TBCD: variants seen among roughly 807,000 people sequenced by gnomAD.
TBCD encodes the protein tubulin-specific chaperone D.
A neutral mutation model predicts 169.3 loss-of-function variants in TBCD; 105 were observed. The ratio of observed to expected loss-of-function variants is 0.62; its 90% CI spans 0.53 to 0.73. TBCD has a LOEUF of 0.73. Ranked by LOEUF, TBCD falls within the 30% of genes least tolerant of loss-of-function variation. TBCD has a pLI of 0.00. For synonymous variants in TBCD, 700 were observed against 643.9 expected, an observed-to-expected ratio of 1.09 and a Z score of -1.32; for missense variants, 1,444 against 1,600.1, an observed-to-expected ratio of 0.90 and a Z score of 1.66.
chr17:82,838,839 A>G (rs1598837740), intron 13 of TBCD: 1 of 985,320 alleles, frequency 1.0e-6, no homozygotes, highest in Non-Finnish European at 1.2e-6. Flanking sequence ...CTGAGCTCGT[A>G]AACAAACGCT....
chr17:82,765,427 T>G (rs1411291073), intron 3 of TBCD, among the ~76,000 whole-genome samples: 3 of 152,024 alleles, frequency 2.0e-5, no homozygotes, highest in Non-Finnish European at 4.4e-5. Context: ...TCTGCTTTTC[T>G]TACAAGCTTG....
At chr17:82,758,377 C>T (rs2047522056) in intron 2 of TBCD, among the ~76,000 whole-genome samples, 1 of 16,104 alleles carries the variant, frequency 6.2e-5, no homozygotes, top group Non-Finnish European at 1.3e-4. Flanking sequence ...AGAACGAAAA[C>T]GTCTCGGAAA....
intron 13 of TBCD, among the ~76,000 whole-genome samples, chr17:82,854,429 C>T (rs993949420): frequency 1.1e-4 from 16 of 152,350 alleles, no homozygotes; most frequent in African/African-American, 3.6e-4. Context: ...GCGCTGCAGG[C>T]TCCTTATGAG....
Position 82,860,410 on chromosome 17 carries a change from C to T in TBCD, c.1319-9814C>T, listed in dbSNP as rs553777946. Reference sequence around the variant, plus strand: ...TGGTGGCTGCTCGGGTGGCAGTGAGCGGACAGCGAGGGGGACAGACACAGG... The same window carrying T: ...TGGTGGCTGCTCGGGTGGCAGTGAGTGGACAGCGAGGGGGACAGACACAGG... On this transcript the variant is annotated intron_variant, in intron 13 of 38. Coordinates refer to ENST00000355528, the MANE Select transcript of TBCD (RefSeq NM_005993.5). 287 of 985,456 alleles carry T rather than the reference C, an allele frequency of 2.9e-4. 1 individual carries two copies. Among genetic ancestry groups the T allele is most frequent in the Admixed American group, 1.7e-3 (27 of 16,286 alleles). The allele number at this position is 985,456 out of a possible 1,614,324, so 61.0% of individuals were successfully genotyped here.
intron 32 of TBCD, 96 bp downstream of exon 32, chr17:82,929,596 C>T (rs1392020331): frequency 1.3e-6 from 2 of 1,496,246 alleles, no homozygotes; most frequent in African/African-American, 1.4e-5. Context: ...TGGGCCTTTT[C>T]TTCCATTGCT....
chr17:82,944,297 G>C lies in TBCD; in HGVS notation c.*1834G>C, dbSNP rs935765907. 1.1e-4 allele frequency: 17 copies of C among 152,160 alleles called. No individual in the cohort carries two copies. Among genetic ancestry groups the C allele is most frequent in the African/African-American group, 3.9e-4 (16 of 41,498 alleles). 9.4% of individuals were successfully genotyped at this position (152,160 alleles called of 1,614,324 possible). A position where few individuals can be genotyped will look rare whatever the true frequency, so the allele number is the denominator to read the frequency against. On this transcript the variant is annotated 3_prime_UTR_variant, in exon 39 of 39. Transcript: ENST00000355528. ...TTCCCACTGGATCCCATCCATCACTGGGGCACTTGTGCTCACCAGACACCT... is the reference window on the plus strand; with the variant it reads ...TTCCCACTGGATCCCATCCATCACTCGGGCACTTGTGCTCACCAGACACCT...
intron 6 of TBCD, among the ~76,000 whole-genome samples, chr17:82,773,974 C>T (rs1476593915): frequency 6.6e-6 from 1 of 151,758 alleles, no homozygotes; most frequent in East Asian, 1.9e-4. Flanking sequence ...CATGATCCGC[C>T]CACCTCGGCC....
At chr17:82,919,479 A>G (rs557837916) in intron 23 of TBCD, among the ~76,000 whole-genome samples, 18 of 152,216 alleles carry the variant, frequency 1.2e-4, no homozygotes, top group African/African-American at 4.3e-4. Flanking sequence ...GTGTACAAAG[A>G]CTAAATTGTA....
Position 82,924,972 on chromosome 17 carries a change from G to A in TBCD, c.2294G>A (p.Arg765Gln), listed in dbSNP as rs748368158. The A allele has an allele frequency of 1.1e-5, 17 of 1,573,418 alleles. No homozygotes were observed. Among genetic ancestry groups the A allele is most frequent in the Middle Eastern group, 3.3e-4 (2 of 6,038 alleles). ...ATCACGCAGTACCTGGCTGAGCTTC[G>A]GAACCCCGAGGAGATGACTCGCTGT... ...ELITQYLAEL[R>Q]NPEEMTRCGF... The change falls in exon 27 of 39, where the codon CGG becomes CAG. Residue 765 changes from arginine (R) to glutamine (Q), a missense_variant. Transcript: ENST00000355528.
Position 82,929,412 on chromosome 17 carries a change from G to T in TBCD, c.2903G>T (p.Arg968Leu). 1.2e-6 allele frequency: 2 copies of T among 1,612,814 alleles called. No homozygotes were observed. Among genetic ancestry groups the T allele is most frequent in the Non-Finnish European group, 1.7e-6 (2 of 1,179,870 alleles). ...AGTGCACCTTCCCAGGCCTTCCCAC[G>T]CATCACCCAGCTCCTTGGGCTGCCC... ...NWSAPSQAFP[R>L]ITQLLGLPTY... Residue 968 changes from arginine to leucine, a missense_variant, in exon 32 of 39, where the codon CGC becomes CTC. Transcript: ENST00000355528.
intron 18 of TBCD, among the ~76,000 whole-genome samples, chr17:82,901,341 G>A (rs748417055): frequency 1.9e-4 from 29 of 152,218 alleles, no homozygotes; most frequent in Non-Finnish European, 3.2e-4. Flanking sequence ...CTCGAGGAGC[G>A]GTAGGTGCCT....
intron 13 of TBCD, among the ~76,000 whole-genome samples, chr17:82,853,005 G>C (rs946269882): frequency 2.0e-5 from 3 of 152,210 alleles, no homozygotes; most frequent in African/African-American, 7.2e-5. Context: ...CCGAGGACGA[G>C]AGCTCGTGAT....
chr17:82,920,402 C>G lies in TBCD; in HGVS notation c.2039-154C>G, dbSNP rs2061345709. Reference sequence around the variant, plus strand: ...TTCTCATGGTGGTTCTGAAATGGTTCTGGGATGTTTCCAGCCCTGGCAGCA... The same window carrying G: ...TTCTCATGGTGGTTCTGAAATGGTTGTGGGATGTTTCCAGCCCTGGCAGCA... On this transcript the variant is annotated intron_variant, in intron 23 of 38. Coordinates refer to ENST00000355528, the MANE Select transcript of TBCD (RefSeq NM_005993.5). This position sits in a 1 kb window ranked among gnomAD's most constrained non-coding sequence, Gnocchi z 4.1. 2 of 675,864 alleles carry G rather than the reference C, an allele frequency of 3.0e-6. No homozygotes were observed. Among genetic ancestry groups the G allele is most frequent in the African/African-American group, 1.8e-5 (1 of 54,744 alleles). 41.9% of individuals were successfully genotyped at this position (675,864 alleles called of 1,614,324 possible).
intron 13 of TBCD, among the ~76,000 whole-genome samples, chr17:82,820,810 A>G (rs1016292567): frequency 2.1e-5 from 3 of 145,942 alleles, no homozygotes; most frequent in Non-Finnish European, 4.6e-5. Flanking sequence ...TGAGTCTCTT[A>G]GGTTCTGTGC....
chr17:82,898,260 GGGAGCACACGGCACGGC>G (rs2059628888), intron 17 of TBCD, among the ~76,000 whole-genome samples: 2 of 12,684 alleles, frequency 1.6e-4, no homozygotes, highest in Non-Finnish European at 3.3e-4. Context: ...GGGTTTTGGT[GGGAGCACACGGCACGGC>G]TCTGGGTTTT....
intron 13 of TBCD, among the ~76,000 whole-genome samples, chr17:82,844,095 C>G (rs1015952116): frequency 1.3e-5 from 2 of 151,958 alleles, no homozygotes; most frequent in African/African-American, 4.8e-5. Flanking sequence ...CTGAGTGTTC[C>G]TTTTGTAGCA....
At chr17:82,830,457 T>C in intron 13 of TBCD, 1 of 1,612,740 alleles carries the variant, frequency 6.2e-7, no homozygotes. Flanking sequence ...CGCATGCGTC[T>C]GGAGCCTCCT....
At position 82,865,321 on chromosome 17, in the gene TBCD, G is replaced by A. The variant is rs142164425; in HGVS notation, c.1319-4903G>A. 5.1e-3 allele frequency among the ~76,000 whole-genome samples: 776 copies of A among 152,290 alleles called. 2 individuals carry two copies. The highest frequency in any genetic ancestry group is 0.031 in the South Asian group (148 of 4,822). ...CTGCAGGGACGGCCACGCGGCTCTC[G>A]GGAGCCGTTTCCTGCGCTCGGGCTC... On this transcript the variant is annotated intron_variant, in intron 13 of 38. Transcript: ENST00000355528.
chr17:82,797,288 C>A (rs1281429076), intron 7 of TBCD, among the ~76,000 whole-genome samples: 3 of 152,184 alleles, frequency 2.0e-5, no homozygotes, highest in African/African-American at 7.2e-5. Flanking sequence ...GAGACACGGG[C>A]TGAGCTGGTC....
Sources: allele counts gnomAD v4.1 joint callset (sites outside exome capture counted in the v4.1 genomes callset), GRCh38; gene constraint gnomAD v4.1.1; non-coding constraint Gnocchi (gnomAD v3.1); transcripts MANE v1.5; gene names NCBI Gene and HGNC (gene_info 2026-07-23, HGNC 2026-07-21).